Variants in HIVEP2 observed in about 807,000 individuals in gnomAD.
The protein encoded by HIVEP2 is transcription factor HIVEP2.
HIVEP2 carries 14 observed loss-of-function variants against 180.7 expected under a neutral mutation model. The observed-to-expected ratio is 0.08, with a 90% CI of 0.05 to 0.12. The LOEUF (loss-of-function observed/expected upper bound fraction) is 0.12. HIVEP2 is among the 10% of genes least tolerant of loss of function. The pLI is 1.00. For missense variants in HIVEP2, 2,579 were observed against 3,008.5 expected, an observed-to-expected ratio of 0.86 and a Z score of 3.34; for synonymous variants, 1,184 against 1,136.4, an observed-to-expected ratio of 1.04 and a Z score of -0.84.
At chr6:142,776,705 T>A (rs1344544107) in intron 3 of HIVEP2, among the ~76,000 whole-genome samples, 1 of 152,094 alleles carries the variant, frequency 6.6e-6, no homozygotes, top group Non-Finnish European at 1.5e-5. Context: ...CTAATTTTTG[T>A]ATTTTGTTGT....
At chr6:142,796,998 C>T (rs1172985726) in intron 2 of HIVEP2, among the ~76,000 whole-genome samples, 2 of 152,134 alleles carry the variant, frequency 1.3e-5, no homozygotes. Context: ...ACATGTCTCT[C>T]ATCATGAATG....
At chr6:142,910,236 C>G (rs1777368632) in intron 1 of HIVEP2, among the ~76,000 whole-genome samples, 1 of 152,216 alleles carries the variant, frequency 6.6e-6, no homozygotes, top group African/African-American at 2.4e-5. Context: ...GACCATGCCA[C>G]CCATTTAAGA....
intron 2 of HIVEP2, among the ~76,000 whole-genome samples, chr6:142,825,306 ACAC>A: frequency 6.6e-6 from 1 of 152,062 alleles, no homozygotes; most frequent in African/African-American, 2.4e-5. Flanking sequence ...ACACACACAC[ACAC>A]ACACATCACA....
At chr6:142,932,353 A>T (rs1242230192) in intron 1 of HIVEP2, among the ~76,000 whole-genome samples, 2 of 152,214 alleles carry the variant, frequency 1.3e-5, no homozygotes, top group African/African-American at 4.8e-5. Flanking sequence ...GTTATACTAC[A>T]TAAAAAGTCT....
intron 4 of HIVEP2, 83 bp from the exon 5 acceptor site, chr6:142,775,208 C>T (rs943337920): frequency 7.0e-6 from 2 of 287,536 alleles, no homozygotes; most frequent in Admixed American, 1.3e-4. Context: ...ACTAACCAAC[C>T]AGAAATTAGA....
chr6:142,802,624 C>T (rs1420666199), intron 2 of HIVEP2, among the ~76,000 whole-genome samples: 1 of 151,742 alleles, frequency 6.6e-6, no homozygotes, highest in African/African-American at 2.4e-5. Context: ...CTAATATATG[C>T]AAACCCAATT....
rs1054719726 is a variant in HIVEP2 at position 142,752,010 on chromosome 6, G to A, written c.*1097C>T. 6 of 152,616 alleles carry A rather than the reference G, an allele frequency of 3.9e-5. No homozygotes were observed. In the South Asian group the frequency reaches 6.2e-4, roughly 16 times the overall value. The allele number at this position is 152,616 out of a possible 1,614,324, so 9.5% of individuals were successfully genotyped here. A position where few individuals can be genotyped will look rare whatever the true frequency, so the allele number is the denominator to read the frequency against. The stretch of plus-strand genomic sequence containing the variant: ...TAGCAAGAACTAAGGAGATTGCTAA[G>A]CCCAGGTCTTCTCCATGAGCAGCGC... On this transcript the variant is annotated 3_prime_UTR_variant, in exon 10 of 10. Transcript: ENST00000367603.
intron 1 of HIVEP2, among the ~76,000 whole-genome samples, chr6:142,896,363 T>A (rs965775555): frequency 1.3e-5 from 2 of 152,174 alleles, no homozygotes; most frequent in African/African-American, 4.8e-5. Context: ...CTTGCCAGCA[T>A]CCCAACTCAT....
At chr6:142,868,392 A>G (rs1776198142) in intron 1 of HIVEP2, among the ~76,000 whole-genome samples, 1 of 152,222 alleles carries the variant, frequency 6.6e-6, no homozygotes, top group Non-Finnish European at 1.5e-5. Context: ...TTTAAAGAGC[A>G]ATCACTTAAA....
chr6:142,944,369 C>A (rs1000107428), intron 1 of HIVEP2, among the ~76,000 whole-genome samples: 2 of 148,882 alleles, frequency 1.3e-5, no homozygotes, highest in East Asian at 2.0e-4. Context: ...CCACCCCCCC[C>A]CCCCACCAAA....
intron 1 of HIVEP2, among the ~76,000 whole-genome samples, chr6:142,882,295 T>C (rs1776591165): frequency 6.6e-6 from 1 of 152,082 alleles, no homozygotes; most frequent in South Asian, 2.1e-4. Context: ...TCAATACCGA[T>C]AACTCACTGA....
chr6:142,756,638 T>C (rs922520090), intron 9 of HIVEP2, among the ~76,000 whole-genome samples: 2 of 151,806 alleles, frequency 1.3e-5, no homozygotes, highest in African/African-American at 4.8e-5. Flanking sequence ...CTCTTCCTGC[T>C]ACCTATCTAC....
rs753889120 is a variant in HIVEP2 at position 142,753,979 on chromosome 6, T to C, written c.6517-48A>G. The C allele has an allele frequency of 3.0e-6, 3 of 990,384 alleles. No individual in the cohort carries two copies. The African/African-American group carries it at 4.8e-5, about 16-fold the overall frequency. 61.3% of individuals were successfully genotyped at this position (990,384 alleles called of 1,614,324 possible). A position where few individuals can be genotyped will look rare whatever the true frequency, so the allele number is the denominator to read the frequency against. On this transcript the variant is annotated intron_variant, in intron 9 of 9. Coordinates refer to ENST00000367603, the MANE Select transcript of HIVEP2 (RefSeq NM_006734.4). ...CACAAAATTCAGAGCCTGCTACGCTTCATTCTTAGGTCAAGCTGTTGGATT... is the reference window on the plus strand; with the variant it reads ...CACAAAATTCAGAGCCTGCTACGCTCCATTCTTAGGTCAAGCTGTTGGATT...
At position 142,753,482 on chromosome 6, in the gene HIVEP2, C is replaced by T. The variant is rs1293393494; in HGVS notation, c.6966G>A (p.Gln2322=). 8 of 1,613,976 alleles carry T rather than the reference C, an allele frequency of 5.0e-6. No individual in the cohort carries two copies. The highest frequency in any genetic ancestry group is 6.8e-6 in the Non-Finnish European group (8 of 1,180,042). The change falls in exon 10 of 10, where the codon CAG becomes CAA. Residue 2322 remains glutamine, a synonymous_variant. Transcript: ENST00000367603. ...EDSLNATERE[Q]EENIQTCTKA... ...TTGTACAAGTCTGTATATTTTCCTCCTGTTCCCGCTCTGTTGCGTTTAGGC... is the reference window on the plus strand; with the variant it reads ...TTGTACAAGTCTGTATATTTTCCTCTTGTTCCCGCTCTGTTGCGTTTAGGC...
chr6:142,785,178 C>T (rs557431973), intron 2 of HIVEP2, among the ~76,000 whole-genome samples: 5 of 151,790 alleles, frequency 3.3e-5, no homozygotes, highest in Admixed American at 6.6e-5. Context: ...CGTGAGCCAC[C>T]GTGCCCGGCC....
rs73586570 is a variant in HIVEP2 at position 142,847,963 on chromosome 6, T to G, written c.-640-10916A>C. On this transcript the variant is annotated intron_variant, in intron 1 of 9. Coordinates refer to ENST00000367603, the MANE Select transcript of HIVEP2 (RefSeq NM_006734.4). Reference sequence around the variant, plus strand: ...GTTATATAACATAATTCTGCAATGGTTCAGCATCACAGTGCAGAGAACTTA... The same window carrying G: ...GTTATATAACATAATTCTGCAATGGGTCAGCATCACAGTGCAGAGAACTTA... Among the ~76,000 whole-genome samples the G allele has an allele frequency of 1.8e-3, 281 of 152,338 alleles. 2 individuals carry two copies. The highest frequency in any genetic ancestry group is 6.5e-3 in the African/African-American group (270 of 41,584).
At chr6:142,878,239 C>T (rs2128415179) in intron 1 of HIVEP2, among the ~76,000 whole-genome samples, 1 of 152,286 alleles carries the variant, frequency 6.6e-6, no homozygotes, top group Non-Finnish European at 1.5e-5. Flanking sequence ...ACAGAGTGTA[C>T]TCTAAAATCA....
At chr6:142,825,222 T>C (rs1197919845) in intron 2 of HIVEP2, among the ~76,000 whole-genome samples, 2 of 152,112 alleles carry the variant, frequency 1.3e-5, no homozygotes, top group East Asian at 3.8e-4. Context: ...TATGGGGTCT[T>C]GATTTTCATG....
At chr6:142,942,449 A>T (rs1297062445) in intron 1 of HIVEP2, among the ~76,000 whole-genome samples, 1 of 152,216 alleles carries the variant, frequency 6.6e-6, no homozygotes, top group Non-Finnish European at 1.5e-5. Flanking sequence ...CTCCCTATAT[A>T]CTGTCCTCTG....
Sources: gnomAD v4.1 joint callset for allele counts (sites outside exome capture counted in the v4.1 genomes callset) on GRCh38, gnomAD v4.1.1 for gene constraint, MANE v1.5 for transcripts, NCBI Gene and HGNC (gene_info 2026-07-23, HGNC 2026-07-21) for gene names.